The following BAG1 variants were observed in gnomAD, a reference collection of about 807,000 sequenced individuals.
BAG1 encodes the protein BAG family molecular chaperone regulator 1.
Under a neutral mutation model 35.5 loss-of-function variants are expected in BAG1, and 35 were observed. The ratio of observed to expected loss-of-function variants is 0.99; its 90% CI spans 0.75 to 1.31. The LOEUF is 1.31. Among genes scored for constraint, BAG1 ranks in the 50% most tolerant of loss-of-function variants. The pLI is 0.00. For synonymous variants in BAG1, 191 were observed against 178.9 expected (o/e 1.07, Z -0.54); for missense variants, 464 against 453.6 (o/e 1.02, Z -0.21).
chr9:33,264,140 C>T, intron 1 of BAG1, 84 bp downstream of exon 1: 1 of 1,468,272 alleles, frequency 6.8e-7, no homozygotes, highest in Non-Finnish European at 9.1e-7. Flanking sequence ...AGGTCACACG[C>T]TTCTGGAGGA....
At position 33,255,064 on chromosome 9, in the gene BAG1, A is replaced by G; in HGVS notation, c.*155T>C. 2 of 1,566,922 alleles carry G rather than the reference A, an allele frequency of 1.3e-6. No homozygotes were observed. Among genetic ancestry groups the G allele is most frequent in the South Asian group, 2.3e-5 (2 of 86,428 alleles). On this transcript the variant is annotated 3_prime_UTR_variant, in exon 7 of 7. Coordinates refer to ENST00000634734, the MANE Select transcript of BAG1 (RefSeq NM_004323.6). ...GAGCTTTACTCAAAATCACAAAGAC[A>G]CTATTTTTCATTGAGAACCAGTGTG...
Position 33,262,699 on chromosome 9 carries a change from T to C in BAG1, c.580+3A>G. 1.3e-6 allele frequency: 2 copies of C among 1,577,914 alleles called. No individual in the cohort carries two copies. Among genetic ancestry groups the C allele is most frequent in the Non-Finnish European group, 1.7e-6 (2 of 1,169,624 alleles). ...AAAGAAAGAAAGAAAAAGAAATGCTTACCCTTAAATATGAGTTTCTGAAAA... is the reference window on the plus strand; with the variant it reads ...AAAGAAAGAAAGAAAAAGAAATGCTCACCCTTAAATATGAGTTTCTGAAAA... On this transcript the variant is annotated splice_donor_region_variant and intron_variant, in intron 2 of 6. Transcript: ENST00000634734.
intron 1 of BAG1, among the ~76,000 whole-genome samples, chr9:33,263,868 G>A (rs1044614807): frequency 2.0e-5 from 3 of 152,034 alleles, no homozygotes; most frequent in Non-Finnish European, 2.9e-5. Flanking sequence ...ACGAAGTTCT[G>A]ACTTATCACA....
chr9:33,264,269 T>A lies in BAG1; in HGVS notation c.406A>T (p.Arg136Trp). 1 of 1,613,528 alleles carries A rather than the reference T, an allele frequency of 6.2e-7. No individual in the cohort carries two copies. The highest frequency in any genetic ancestry group is 1.6e-4 in the Middle Eastern group (1 of 6,062). The change falls in exon 1 of 7, where the codon AGG (arginine) becomes TGG (tryptophan). Residue 136 changes from arginine (R) to tryptophan (W), a missense_variant. Arg to Trp is a moderately radical substitution (Grantham distance 101). Coordinates refer to ENST00000634734, the MANE Select transcript of BAG1 (RefSeq NM_004323.6). ...AGCCCAGCTGCCGCCATTTCCTCCC[T>A]GGTCACCTCCTCGCTCCGGGTCGAC...
chr9:33,264,286 C>A lies in BAG1; in HGVS notation c.389G>T (p.Arg130Leu), dbSNP rs561258271. The change falls in exon 1 of 7, where the codon CGG becomes CTG. Residue 130 changes from arginine (R) to leucine (L), a missense_variant. Arg to Leu is a moderately radical substitution (Grantham distance 102). Coordinates refer to ENST00000634734, the MANE Select transcript of BAG1 (RefSeq NM_004323.6). Reference sequence around the variant, plus strand: ...TTCCTCCCTGGTCACCTCCTCGCTCCGGGTCGACTCCTCGTCCCGGGTCAC... The same window carrying A: ...TTCCTCCCTGGTCACCTCCTCGCTCAGGGTCGACTCCTCGTCCCGGGTCAC... The A allele has an allele frequency of 2.5e-6, 4 of 1,613,930 alleles. No homozygotes were observed. Among genetic ancestry groups the A allele is most frequent in the Non-Finnish European group, 3.4e-6 (4 of 1,179,990 alleles).
chr9:33,253,822 T>C lies in BAG1; in HGVS notation c.*1397A>G, dbSNP rs1820388909. 1 of 152,092 alleles carries C rather than the reference T, an allele frequency of 6.6e-6. No individual in the cohort carries two copies. Among genetic ancestry groups the C allele is most frequent in the South Asian group, 2.1e-4 (1 of 4,824 alleles). The allele number at this position is 152,092 out of a possible 1,614,324, so 9.4% of individuals were successfully genotyped here. A position where few individuals can be genotyped will look rare whatever the true frequency, so the allele number is the denominator to read the frequency against. On this transcript the variant is annotated 3_prime_UTR_variant, in exon 7 of 7. Transcript: ENST00000634734. ...TTATGATGAGCACATAAACAGTTTT[T>C]TTTTCTTTTTATTTATCTACTTTTA...
At chr9:33,261,226 A>T in intron 2 of BAG1, 57 bp from the exon 3 acceptor site, 1 of 1,330,074 alleles carries the variant, frequency 7.5e-7, no homozygotes, top group Non-Finnish European at 1.1e-6. Flanking sequence ...CTGAAAATAA[A>T]TTTCAGCAGG....
intron 5 of BAG1, among the ~76,000 whole-genome samples, chr9:33,256,251 T>C (rs1049702537): frequency 3.9e-5 from 6 of 152,342 alleles, no homozygotes; most frequent in Middle Eastern, 3.4e-3. Context: ...CATGGGCTCA[T>C]TGTGACAGGA....
In BAG1 at chr9:33,253,668, G is replaced by T. The variant is rs1236210844; in HGVS notation, c.*1551C>A. The T allele has an allele frequency of 6.7e-6, 1 of 149,902 alleles. No individual in the cohort carries two copies. The highest frequency in any genetic ancestry group is 1.5e-5 in the Non-Finnish European group (1 of 67,748). The allele number at this position is 149,902 out of a possible 1,614,324, so 9.3% of individuals were successfully genotyped here. On this transcript the variant is annotated 3_prime_UTR_variant, in exon 7 of 7. Transcript: ENST00000634734. ...CGACTCTCTCTCTGCCAAATGATGT[G>T]AGTCTTTAGGTAGAGTTATAGCGCA...
intron 2 of BAG1, among the ~76,000 whole-genome samples, chr9:33,262,433 G>A (rs535235823): frequency 5.0e-4 from 76 of 152,172 alleles, no homozygotes; most frequent in Non-Finnish European, 9.4e-4. Flanking sequence ...GAGGCGGGTG[G>A]ATCACCTGAG....
At position 33,252,777 on chromosome 9, in the gene BAG1, G is replaced by A. The variant is rs539997240; in HGVS notation, c.*2442C>T. 1.4e-4 allele frequency: 21 copies of A among 152,164 alleles called. No homozygotes were observed. The highest frequency in any genetic ancestry group is 4.8e-4 in the African/African-American group (20 of 41,492). The allele number at this position is 152,164 out of a possible 1,614,324, so 9.4% of individuals were successfully genotyped here. A position where few individuals can be genotyped will look rare whatever the true frequency, so the allele number is the denominator to read the frequency against. On this transcript the variant is annotated 3_prime_UTR_variant, in exon 7 of 7. Transcript: ENST00000634734. Reference sequence around the variant, plus strand: ...AGGATCCCACCTGGGGGCTGGACAGGGTCTCAACACAGTAGGTGAGGGTTC... The same window carrying A: ...AGGATCCCACCTGGGGGCTGGACAGAGTCTCAACACAGTAGGTGAGGGTTC...
intron 4 of BAG1, chr9:33,257,248 C>A: frequency 4.6e-6 from 1 of 217,550 alleles, no homozygotes. Context: ...AACTGACTGC[C>A]ATTTACTAAC....
chr9:33,254,906 A>T lies in BAG1; in HGVS notation c.*313T>A. On this transcript the variant is annotated 3_prime_UTR_variant, in exon 7 of 7. Transcript: ENST00000634734. ...ACCTGAAACTGGCCCAAGGCAAATT[A>T]GAGCTCTCACCAGCCCAAAGAAAGC... 1 of 911,848 alleles carries T rather than the reference A, an allele frequency of 1.1e-6. No homozygotes were observed. Among genetic ancestry groups the T allele is most frequent in the Non-Finnish European group, 1.5e-6 (1 of 659,538 alleles). 56.5% of individuals were successfully genotyped at this position (911,848 alleles called of 1,614,324 possible).
chr9:33,258,669 A>G (rs1159138623), intron 4 of BAG1, among the ~76,000 whole-genome samples: 2 of 152,238 alleles, frequency 1.3e-5, no homozygotes, highest in Non-Finnish European at 2.9e-5. Flanking sequence ...CTTATAAAGC[A>G]CTTAGTATGT....
rs1820366080 is a variant in BAG1, at chr9:33,252,854, T to C, written c.*2365A>G. 6.6e-6 allele frequency: 1 copy of C among 151,986 alleles called. No individual in the cohort carries two copies. Among genetic ancestry groups the C allele is most frequent in the South Asian group, 2.1e-4 (1 of 4,816 alleles). The allele number at this position is 151,986 out of a possible 1,614,324, so 9.4% of individuals were successfully genotyped here. A position where few individuals can be genotyped will look rare whatever the true frequency, so the allele number is the denominator to read the frequency against. ...TTCTGAAGGATGAACAAAAGTCACC[T>C]ATACAAGGGTAGGGTTGGAGGAAGG... On this transcript the variant is annotated 3_prime_UTR_variant, in exon 7 of 7. Coordinates refer to ENST00000634734, the MANE Select transcript of BAG1 (RefSeq NM_004323.6).
rs1268608979 is a variant in BAG1, at chr9:33,264,570, G to A, written c.105C>T (p.Pro35=). Reference sequence around the variant, plus strand: ...AGGGAGGCGGACCACGCTGGGCCGGGGGCTCCGACTGGCGCGGCTCCCGGC... The same window carrying A: ...AGGGAGGCGGACCACGCTGGGCCGGAGGCTCCGACTGGCGCGGCTCCCGGC... Residue 35 remains proline (P), a synonymous_variant, in exon 1 of 7, where the codon CCC becomes CCT. Transcript: ENST00000634734. 2.1e-6 allele frequency: 3 copies of A among 1,427,024 alleles called. No individual in the cohort carries two copies. Among genetic ancestry groups the A allele is most frequent in the Admixed American group, 3.0e-5 (1 of 33,184 alleles). The allele number at this position is 1,427,024 out of a possible 1,614,324, so 88.4% of individuals were successfully genotyped here.
intron 4 of BAG1, chr9:33,257,736 T>C (rs1820484341): frequency 6.6e-6 from 1 of 152,224 alleles, no homozygotes; most frequent in South Asian, 2.1e-4. Flanking sequence ...AGGTAAATAA[T>C]ACATTTATAC....
At chr9:33,264,081 C>T (rs1282298532) in intron 1 of BAG1, 143 bp downstream of exon 1, 4 of 992,970 alleles carry the variant, frequency 4.0e-6, no homozygotes, top group Non-Finnish European at 5.8e-6. Flanking sequence ...AAAGACAGTT[C>T]CACGGACACA....
At position 33,255,319 on chromosome 9, in the gene BAG1, C is replaced by T. The variant is rs769443085; in HGVS notation, c.949-11G>A. ...CTCGGCTAGGAATGCCTAGAAAATA[C>T]ACACGGGGCAGTAAGGGCCCATCCA... On this transcript the variant is annotated splice_polypyrimidine_tract_variant and intron_variant, in intron 6 of 6. Transcript: ENST00000634734. 1.4e-5 allele frequency: 23 copies of T among 1,614,040 alleles called. No homozygotes were observed. The highest frequency in any genetic ancestry group is 4.4e-5 in the South Asian group (4 of 91,092).
Sources: gnomAD v4.1 joint callset for allele counts (sites outside exome capture counted in the v4.1 genomes callset) on GRCh38, gnomAD v4.1.1 for gene constraint, MANE v1.5 for transcripts, NCBI Gene and HGNC (gene_info 2026-07-23, HGNC 2026-07-21) for gene names.